Variants in TAF3 observed in about 807,000 individuals in gnomAD.
The protein encoded by TAF3 is TATA-box binding protein associated factor 3, also known as transcription initiation factor TFIID subunit 3.
Under a neutral mutation model 80.6 loss-of-function variants are expected in TAF3, and 7 were observed. The ratio of observed to expected loss-of-function variants is 0.09; its 90% CI spans 0.05 to 0.16. The LOEUF is 0.16. Among genes scored for constraint, TAF3 ranks in the 10% least tolerant of loss-of-function variants. The pLI, the probability that TAF3 is intolerant of heterozygous loss-of-function variation, is 1.00. For synonymous variants in TAF3, 444 were observed against 446.1 expected (o/e 1.00, Z 0.06); for missense variants, 921 against 1,140.2 (o/e 0.81, Z 2.77).
intron 2 of TAF3, among the ~76,000 whole-genome samples, chr10:7,906,858 C>A (rs1199818718): frequency 9.3e-5 from 14 of 151,326 alleles, no homozygotes; most frequent in Non-Finnish European, 1.9e-4. Flanking sequence ...GCTGGGACTG[C>A]AGGCGTGCAC....
chr10:7,855,504 G>T (rs1419039379), intron 2 of TAF3, among the ~76,000 whole-genome samples: 1 of 152,184 alleles, frequency 6.6e-6, no homozygotes, highest in African/African-American at 2.4e-5. Context: ...TTGGGGAGGA[G>T]ATTTGAGATT....
At chr10:7,994,535 G>A (rs1831865935) in intron 4 of TAF3, among the ~76,000 whole-genome samples, 3 of 152,260 alleles carry the variant, frequency 2.0e-5, no homozygotes, top group South Asian at 4.1e-4. Flanking sequence ...AAAAAATAGA[G>A]ATGAGGTCTC....
chr10:7,947,276 G>T (rs1303173209), intron 2 of TAF3, among the ~76,000 whole-genome samples: 2 of 152,140 alleles, frequency 1.3e-5, no homozygotes, highest in African/African-American at 4.8e-5. Flanking sequence ...GGCCCCTCCA[G>T]CCCCCACCGC....
chr10:7,918,380 C>T (rs1222775539), intron 2 of TAF3, among the ~76,000 whole-genome samples: 1 of 152,054 alleles, frequency 6.6e-6, no homozygotes, highest in Non-Finnish European at 1.5e-5. Flanking sequence ...TGCAGTGCCA[C>T]ATGTAGACTT....
At chr10:7,853,597 GAA>G (rs1416646965) in intron 2 of TAF3, among the ~76,000 whole-genome samples, 1 of 152,236 alleles carries the variant, frequency 6.6e-6, no homozygotes. Context: ...ATTGACACGT[GAA>G]ATTCTCACAT....
At chr10:7,952,988 T>C (rs1224843242) in intron 2 of TAF3, among the ~76,000 whole-genome samples, 6 of 152,200 alleles carry the variant, frequency 3.9e-5, no homozygotes, top group Non-Finnish European at 8.8e-5. Flanking sequence ...GGATTATGAT[T>C]GTTTTTGACG....
At chr10:7,876,923 G>A (rs967999840) in intron 2 of TAF3, among the ~76,000 whole-genome samples, 2 of 151,874 alleles carry the variant, frequency 1.3e-5, no homozygotes, top group African/African-American at 4.8e-5. Context: ...ACTTTGATTT[G>A]CTGCCTTTAT....
At chr10:7,955,200 A>C (rs1482719671) in intron 2 of TAF3, among the ~76,000 whole-genome samples, 1 of 152,154 alleles carries the variant, frequency 6.6e-6, no homozygotes, top group East Asian at 1.9e-4. Flanking sequence ...TCTCTGCCCC[A>C]CCTCTCCCGT....
intron 4 of TAF3, among the ~76,000 whole-genome samples, chr10:7,989,804 G>A (rs1246875556): frequency 6.6e-6 from 1 of 152,096 alleles, no homozygotes; most frequent in East Asian, 1.9e-4. Context: ...TGTTAGTTAG[G>A]TAAAAATGAG....
chr10:7,991,383 A>G (rs1275467106), intron 4 of TAF3, among the ~76,000 whole-genome samples: 1 of 152,134 alleles, frequency 6.6e-6, no homozygotes, highest in Non-Finnish European at 1.5e-5. Flanking sequence ...TAACTAATTT[A>G]TTTCTTTGCA....
At chr10:7,956,606 T>C (rs1011809121) in intron 2 of TAF3, among the ~76,000 whole-genome samples, 1 of 152,258 alleles carries the variant, frequency 6.6e-6, no homozygotes, top group Non-Finnish European at 1.5e-5. Context: ...GTATACATTA[T>C]GATCAGATAC....
intron 4 of TAF3, among the ~76,000 whole-genome samples, chr10:7,999,800 G>A (rs1233773207): frequency 6.6e-6 from 1 of 152,246 alleles, no homozygotes; most frequent in South Asian, 2.1e-4. Context: ...ATTGTAGGAG[G>A]TTTTCTCTTC....
chr10:7,932,571 C>G (rs1365508854), intron 2 of TAF3, among the ~76,000 whole-genome samples: 1 of 151,964 alleles, frequency 6.6e-6, no homozygotes, highest in African/African-American at 2.4e-5. Context: ...CCTGTATTCT[C>G]TAACTTGAAG....
intron 2 of TAF3, among the ~76,000 whole-genome samples, chr10:7,888,330 TATGATTC>T (rs751372564): frequency 4.6e-5 from 7 of 152,182 alleles, no homozygotes; most frequent in Non-Finnish European, 7.3e-5. Flanking sequence ...ATGCACATAA[TATGATTC>T]ATTGAGACAG....
At chr10:7,972,434 T>C (rs1358907189) in intron 3 of TAF3, among the ~76,000 whole-genome samples, 1 of 152,220 alleles carries the variant, frequency 6.6e-6, no homozygotes, top group African/African-American at 2.4e-5. Flanking sequence ...TAAGTAGTTT[T>C]TAGATATATC....
chr10:7,979,624 A>G (rs1831706347), intron 4 of TAF3, among the ~76,000 whole-genome samples: 1 of 152,190 alleles, frequency 6.6e-6, no homozygotes, highest in African/African-American at 2.4e-5. Flanking sequence ...AATGACTGCC[A>G]TGTTATATGA....
At chr10:7,834,942 T>C (rs1213810265) in intron 2 of TAF3, among the ~76,000 whole-genome samples, 1 of 152,244 alleles carries the variant, frequency 6.6e-6, no homozygotes, top group African/African-American at 2.4e-5. Flanking sequence ...CTGATTTTGA[T>C]TTATATACTT....
chr10:7,833,734 C>A, intron 2 of TAF3: 1 of 231,648 alleles, frequency 4.3e-6, no homozygotes, highest in South Asian at 1.1e-4. Context: ...TTCTTCTCCT[C>A]AGTGGTGACT....
At chr10:7,864,969 A>G (rs1837195435) in intron 2 of TAF3, among the ~76,000 whole-genome samples, 1 of 152,030 alleles carries the variant, frequency 6.6e-6, no homozygotes, top group African/African-American at 2.4e-5. Context: ...TGGCTGGGAG[A>G]ATGAATGTCA....
Sources: gnomAD v4.1 joint callset for allele counts (sites outside exome capture counted in the v4.1 genomes callset) on GRCh38, gnomAD v4.1.1 for gene constraint, MANE v1.5 for transcripts, NCBI Gene and HGNC (gene_info 2026-07-23, HGNC 2026-07-21) for gene names.